Variants in EPHA5 observed in about 807,000 individuals in gnomAD.
EPHA5 encodes EPH receptor A5.
A neutral mutation model predicts 105.0 loss-of-function variants in EPHA5; 60 were observed. The observed-to-expected ratio is 0.57, with a 90% CI of 0.46 to 0.71. The LOEUF (loss-of-function observed/expected upper bound fraction) is 0.71. Ranked by LOEUF, EPHA5 falls within the 30% of genes least tolerant of loss-of-function variation. EPHA5 has a pLI of 0.00. For missense variants in EPHA5, 1,218 were observed against 1,274.7 expected (o/e 0.96, Z 0.68); for synonymous variants, 513 against 449.1 (o/e 1.14, Z -1.80).
At chr4:65,581,826 T>C (rs1230566737) in intron 3 of EPHA5, among the ~76,000 whole-genome samples, 1 of 151,824 alleles carries the variant, frequency 6.6e-6, no homozygotes, top group Non-Finnish European at 1.5e-5. Flanking sequence ...GCTAAAGTCA[T>C]GAAGTAACTG....
intron 3 of EPHA5, among the ~76,000 whole-genome samples, chr4:65,509,431 GA>G (rs2149257319): frequency 6.6e-6 from 1 of 152,128 alleles, no homozygotes; most frequent in East Asian, 1.9e-4. Context: ...TTCAAAACCC[GA>G]ATGGGTCTTG....
At chr4:65,519,982 C>T (rs930373855) in intron 3 of EPHA5, among the ~76,000 whole-genome samples, 1 of 152,158 alleles carries the variant, frequency 6.6e-6, no homozygotes, top group African/African-American at 2.4e-5. Context: ...AATGCCATCC[C>T]CATCAAGCTA....
At chr4:65,485,635 A>C (rs1466737253) in intron 5 of EPHA5, among the ~76,000 whole-genome samples, 1 of 152,190 alleles carries the variant, frequency 6.6e-6, no homozygotes. Context: ...TCTATAGACT[A>C]TCAGCCTAAT....
At chr4:65,337,872 G>T (rs943462440) in intron 14 of EPHA5, among the ~76,000 whole-genome samples, 3 of 151,930 alleles carry the variant, frequency 2.0e-5, no homozygotes, top group Non-Finnish European at 4.4e-5. Flanking sequence ...GAAATAAAAA[G>T]TACTCAAGGA....
At chr4:65,377,676 A>T (rs1719146623) in intron 8 of EPHA5, among the ~76,000 whole-genome samples, 1 of 152,010 alleles carries the variant, frequency 6.6e-6, no homozygotes, top group Non-Finnish European at 1.5e-5. Context: ...CTATATAAAA[A>T]AGCAAACTAT....
intron 4 of EPHA5, among the ~76,000 whole-genome samples, chr4:65,492,240 C>T (rs750306074): frequency 3.9e-5 from 6 of 152,112 alleles, no homozygotes; most frequent in African/African-American, 4.8e-5. Context: ...CTCTCTCTGT[C>T]GCCCGGGCTG....
chr4:65,474,132 G>T (rs1224858507), intron 5 of EPHA5, among the ~76,000 whole-genome samples: 1 of 151,654 alleles, frequency 6.6e-6, no homozygotes, highest in Non-Finnish European at 1.5e-5. Context: ...TAACAAACCT[G>T]CACATTGTGC....
In EPHA5 at chr4:65,323,006, CT is replaced by C; in HGVS notation, c.*1107del. ...TAACAGAAGCCTGCACAGTTAAATC[CT>C]TCTACATCCTGCTGAAAATGTGCCC... is the stretch of plus-strand genomic sequence containing the variant. On this transcript the variant is annotated 3_prime_UTR_variant, in exon 17 of 17. Coordinates refer to ENST00000613740, the MANE Select transcript of EPHA5 (RefSeq NM_001281766.3). The C allele has an allele frequency of 4.4e-6, 1 of 229,194 alleles. No homozygotes were observed. Among genetic ancestry groups the C allele is most frequent in the Non-Finnish European group, 8.7e-6 (1 of 115,442 alleles). The allele number at this position is 229,194 out of a possible 1,614,324, so 14.2% of individuals were successfully genotyped here. A position where few individuals can be genotyped will look rare whatever the true frequency, so the allele number is the denominator to read the frequency against.
At chr4:65,403,413 A>T (rs531969536) in intron 8 of EPHA5, among the ~76,000 whole-genome samples, 11 of 151,500 alleles carry the variant, frequency 7.3e-5, no homozygotes, top group African/African-American at 2.7e-4. Flanking sequence ...TTTTTTGCTC[A>T]GAAATAAATA....
At position 65,574,641 on chromosome 4, in the gene EPHA5, C is replaced by CATATATATATATAT. The variant is rs752109599; in HGVS notation, c.910+26999_910+27000insATATATATATATAT. On this transcript the variant is annotated intron_variant, in intron 3 of 16. Coordinates refer to ENST00000613740, the MANE Select transcript of EPHA5 (RefSeq NM_001281766.3). ...ATATATATATACACATATATATATA[C>CATATATATATATAT]ACATATATATACACATATATATATA... Among the ~76,000 whole-genome samples the CATATATATATATAT allele has an allele frequency of 5.4e-4, 38 of 69,738 alleles. 5 individuals carry two copies. The highest frequency in any genetic ancestry group is 7.7e-4 in the Non-Finnish European group (24 of 31,278). 45.8% of individuals were successfully genotyped at this position (69,738 alleles called of 152,430 possible).
At chr4:65,561,356 T>C (rs1042684385) in intron 3 of EPHA5, among the ~76,000 whole-genome samples, 1 of 151,334 alleles carries the variant, frequency 6.6e-6, no homozygotes, top group Non-Finnish European at 1.5e-5. Flanking sequence ...TACAAAATAC[T>C]GATGTTATTC....
At chr4:65,375,881 C>T (rs1323259416) in intron 8 of EPHA5, among the ~76,000 whole-genome samples, 1 of 151,688 alleles carries the variant, frequency 6.6e-6, no homozygotes, top group Non-Finnish European at 1.5e-5. Flanking sequence ...GACACTGAAG[C>T]CCCATGCTCA....
intron 16 of EPHA5, among the ~76,000 whole-genome samples, chr4:65,329,629 C>T (rs1303787033): frequency 6.6e-6 from 1 of 151,234 alleles, no homozygotes; most frequent in Non-Finnish European, 1.5e-5. Flanking sequence ...CTACTATCTT[C>T]TGACAATAAC....
intron 1 of EPHA5, among the ~76,000 whole-genome samples, chr4:65,666,122 C>T (rs754072399): frequency 6.6e-6 from 1 of 151,954 alleles, no homozygotes; most frequent in Non-Finnish European, 1.5e-5. Flanking sequence ...TTTTATCTTT[C>T]CAAGGAAAAC....
At chr4:65,496,378 C>A (rs111305685) in intron 3 of EPHA5, among the ~76,000 whole-genome samples, 4 of 121,356 alleles carry the variant, frequency 3.3e-5, no homozygotes, top group Non-Finnish European at 6.8e-5. Context: ...ATCCCTCCCC[C>A]CTCCCCCCAC....
intron 3 of EPHA5, among the ~76,000 whole-genome samples, chr4:65,522,316 GTATA>G (rs58851174): frequency 2.1e-5 from 3 of 142,826 alleles, no homozygotes; most frequent in Non-Finnish European, 3.0e-5. Flanking sequence ...ATATATATAT[GTATA>G]TATATATATA....
At chr4:65,348,690 ATATATAT>A (rs1181913393) in intron 13 of EPHA5, among the ~76,000 whole-genome samples, 5 of 53,526 alleles carry the variant, frequency 9.3e-5, no homozygotes, top group Non-Finnish European at 1.8e-4. Flanking sequence ...ATATATATAT[ATATATAT>A]AAAATATATA....
intron 16 of EPHA5, among the ~76,000 whole-genome samples, chr4:65,326,213 G>A (rs1016260745): frequency 6.6e-6 from 1 of 150,894 alleles, no homozygotes; most frequent in Non-Finnish European, 1.5e-5. Flanking sequence ...TTTTATGGAT[G>A]AGGAAACAAA....
chr4:65,561,522 T>A (rs932442805), intron 3 of EPHA5, among the ~76,000 whole-genome samples: 1 of 152,122 alleles, frequency 6.6e-6, no homozygotes, highest in African/African-American at 2.4e-5. Context: ...GTTTCTAGAT[T>A]TAGGCTGTTC....
Sources: allele counts gnomAD v4.1 joint callset (sites outside exome capture counted in the v4.1 genomes callset), GRCh38; gene constraint gnomAD v4.1.1; transcripts MANE v1.5; gene names NCBI Gene and HGNC (gene_info 2026-07-23, HGNC 2026-07-21).